Variants in LPAR1 observed in about 807,000 individuals in gnomAD.
The protein encoded by LPAR1 is LPA receptor 1.
LPAR1 carries 5 observed loss-of-function variants against 23.8 expected under a neutral mutation model. That is an observed-to-expected ratio of 0.21 (90% CI 0.11 to 0.44). The LOEUF is 0.44. Among genes scored for constraint, LPAR1 ranks in the 20% least tolerant of loss-of-function variants. The probability of loss-of-function intolerance (pLI) is 0.99; values close to 1 mark genes in which losing one functional copy is unlikely to be tolerated. For synonymous variants in LPAR1, 160 were observed against 164.7 expected (o/e 0.97, Z 0.22); for missense variants, 311 against 482.8 (o/e 0.64, Z 3.33).
At chr9:110,893,842 G>C (rs2085354066) in intron 5 of LPAR1, among the ~76,000 whole-genome samples, 1 of 152,092 alleles carries the variant, frequency 6.6e-6, no homozygotes, top group Non-Finnish European at 1.5e-5. Context: ...CGTAGCCTCA[G>C]TGTGCTGGCC....
chr9:110,933,709 A>C (rs541984605), intron 5 of LPAR1, among the ~76,000 whole-genome samples: 41 of 152,226 alleles, frequency 2.7e-4, no homozygotes, highest in South Asian at 8.3e-4. Context: ...AGGAAAAGTA[A>C]ATGACTTTCC....
intron 2 of LPAR1, among the ~76,000 whole-genome samples, chr9:110,981,940 T>C (rs1193899127): frequency 6.6e-6 from 1 of 152,026 alleles, no homozygotes; most frequent in South Asian, 2.1e-4. Context: ...TCTCACATCA[T>C]TTAGAATGGC....
rs943337089 is a variant in LPAR1, at chr9:110,987,989, A to G, written c.-181-14431T>C. ...TCTTTAAAGTTACTGGATTAAAGAA[A>G]AAAAAAGACACCTAGAGAGGAACAA... On this transcript the variant is annotated intron_variant, in intron 2 of 5. Coordinates refer to ENST00000683809, the MANE Select transcript of LPAR1 (RefSeq NM_001351411.2). Among the ~76,000 whole-genome samples, 5 of 152,204 alleles carry G rather than the reference A, an allele frequency of 3.3e-5. No individual in the cohort carries two copies. The South Asian group carries it at 8.3e-4, about 25-fold the overall frequency.
intron 2 of LPAR1, among the ~76,000 whole-genome samples, chr9:111,021,963 CAAAAAAAA>C (rs3030187): frequency 1.4e-3 from 96 of 69,876 alleles, no homozygotes; most frequent in Middle Eastern, 0.01. Context: ...GACTCCGTCA[CAAAAAAAA>C]AAAAAAAAAA....
At chr9:110,953,382 G>A (rs572533472) in intron 4 of LPAR1, among the ~76,000 whole-genome samples, 9 of 152,262 alleles carry the variant, frequency 5.9e-5, no homozygotes, top group East Asian at 1.9e-4. Flanking sequence ...CAGACACATA[G>A]TCCGGGCGTA....
chr9:110,897,261 A>T (rs1260911557), intron 5 of LPAR1, among the ~76,000 whole-genome samples: 1 of 152,116 alleles, frequency 6.6e-6, no homozygotes, highest in Non-Finnish European at 1.5e-5. Context: ...TGTTCTCATG[A>T]TAGCAAATGG....
At chr9:110,993,151 T>A (rs778391254) in intron 2 of LPAR1, among the ~76,000 whole-genome samples, 20 of 152,032 alleles carry the variant, frequency 1.3e-4, no homozygotes, top group Non-Finnish European at 2.9e-4. Flanking sequence ...ATACTTTAAG[T>A]TCTAGGGTAC....
intron 5 of LPAR1, among the ~76,000 whole-genome samples, chr9:110,921,500 T>A (rs149480571): frequency 1.0e-3 from 157 of 152,324 alleles, no homozygotes; most frequent in Middle Eastern, 3.4e-3. Flanking sequence ...AACTTTTCAT[T>A]TGATTCTCAC....
chr9:110,899,476 A>T (rs1191683205), intron 5 of LPAR1, among the ~76,000 whole-genome samples: 2 of 152,210 alleles, frequency 1.3e-5, no homozygotes, highest in African/African-American at 4.8e-5. Context: ...AGGAGACTAG[A>T]AACTGAAGCT....
chr9:110,989,950 A>T (rs905101042), intron 2 of LPAR1, among the ~76,000 whole-genome samples: 3 of 103,144 alleles, frequency 2.9e-5, no homozygotes, highest in Non-Finnish European at 4.2e-5. Context: ...TGAAGTATCA[A>T]TATTAAAATC....
intron 2 of LPAR1, among the ~76,000 whole-genome samples, chr9:110,997,407 C>G (rs887935): frequency 0.13 from 19,154 of 152,050 alleles, 1,499 homozygotes; most frequent in Non-Finnish European, 0.18. Context: ...TGAAGAGTTG[C>G]GTATTAACTA....
chr9:110,994,720 G>A (rs1331149611), intron 2 of LPAR1, among the ~76,000 whole-genome samples: 4 of 152,186 alleles, frequency 2.6e-5, no homozygotes, highest in Admixed American at 1.3e-4. Context: ...TTAAGTGGAA[G>A]AGAGGGTTCA....
chr9:110,953,195 A>G (rs903968352), intron 4 of LPAR1, among the ~76,000 whole-genome samples: 2 of 152,160 alleles, frequency 1.3e-5, no homozygotes, highest in African/African-American at 4.8e-5. Context: ...CTGGAGGCTC[A>G]AGAATCAGCC....
intron 5 of LPAR1, among the ~76,000 whole-genome samples, chr9:110,909,762 T>TATTTAGAG (rs894145490): frequency 2.7e-5 from 4 of 150,094 alleles, no homozygotes; most frequent in African/African-American, 7.4e-5. Flanking sequence ...TTTATTTATT[T>TATTTAGAG]AGAGAGAGGG....
intron 2 of LPAR1, among the ~76,000 whole-genome samples, chr9:110,983,759 C>G (rs1157786264): frequency 6.6e-6 from 1 of 151,226 alleles, no homozygotes; most frequent in Admixed American, 6.6e-5. Context: ...TAAAAGAAAT[C>G]CCATTAAAAA....
At position 110,918,048 on chromosome 9, in the gene LPAR1, A is replaced by G. The variant is rs139725432; in HGVS notation, c.793+23373T>C. On this transcript the variant is annotated intron_variant, in intron 5 of 5. Transcript: ENST00000683809. ...CTTCCAAGTAGCTGGGACAAGAGGC[A>G]TGCACCACCATGCCCAACTAACTTT... Among the ~76,000 whole-genome samples the G allele has an allele frequency of 2.0e-5, 3 of 152,230 alleles. No individual in the cohort carries two copies. The East Asian group carries it at 5.8e-4, about 29-fold the overall frequency.
intron 5 of LPAR1, among the ~76,000 whole-genome samples, chr9:110,902,897 G>C (rs922549940): frequency 6.6e-6 from 1 of 152,160 alleles, no homozygotes; most frequent in African/African-American, 2.4e-5. Context: ...GGTAGCACCA[G>C]CAGACGCCAG....
chr9:110,936,594 G>A (rs1225893650), intron 5 of LPAR1, among the ~76,000 whole-genome samples: 1 of 152,118 alleles, frequency 6.6e-6, no homozygotes, highest in African/African-American at 2.4e-5. Context: ...GGAAGAGTAG[G>A]GCCGCATACT....
At chr9:110,900,542 G>A (rs2088470862) in intron 5 of LPAR1, among the ~76,000 whole-genome samples, 2 of 152,100 alleles carry the variant, frequency 1.3e-5, no homozygotes, top group Admixed American at 1.3e-4. Context: ...TTTCCTACCT[G>A]AGAACATTTC....
Sources: gnomAD v4.1 joint callset for allele counts (sites outside exome capture counted in the v4.1 genomes callset) on GRCh38, gnomAD v4.1.1 for gene constraint, MANE v1.5 for transcripts, NCBI Gene and HGNC (gene_info 2026-07-23, HGNC 2026-07-21) for gene names.